The following CRPPA variants were observed in gnomAD, a reference collection of about 807,000 sequenced individuals.
The protein encoded by CRPPA is D-ribitol-5-phosphate cytidylyltransferase.
Under a neutral mutation model 52.0 loss-of-function variants are expected in CRPPA, and 43 were observed. That is an observed-to-expected ratio of 0.83 (90% CI 0.65 to 1.07). The LOEUF (loss-of-function observed/expected upper bound fraction) is 1.07, where lower values mean the gene tolerates loss of function less well. Ranked by LOEUF, CRPPA falls within the 50% of genes least tolerant of loss-of-function variation. CRPPA has a pLI of 0.00. For synonymous variants in CRPPA, 250 were observed against 203.5 expected (o/e 1.23, Z -1.94); for missense variants, 629 against 551.7 (o/e 1.14, Z -1.40).
chr7:16,266,519 C>T (rs1396046185), intron 6 of CRPPA, among the ~76,000 whole-genome samples: 1 of 150,834 alleles, frequency 6.6e-6, no homozygotes. Context: ...TGCTCTGTCA[C>T]CCATGCTGGA....
At chr7:16,200,385 A>G (rs780947235) in intron 9 of CRPPA, among the ~76,000 whole-genome samples, 2 of 152,220 alleles carry the variant, frequency 1.3e-5, no homozygotes, top group African/African-American at 2.4e-5. Flanking sequence ...TAGTATTTCA[A>G]AAGTTGTATT....
At chr7:16,280,010 A>G (rs1780372554) in intron 5 of CRPPA, among the ~76,000 whole-genome samples, 1 of 152,220 alleles carries the variant, frequency 6.6e-6, no homozygotes. Flanking sequence ...GGAAGAGAAG[A>G]GAGCTTGTGC....
intron 8 of CRPPA, among the ~76,000 whole-genome samples, chr7:16,254,036 A>T (rs1036674454): frequency 6.6e-6 from 1 of 152,338 alleles, no homozygotes; most frequent in African/African-American, 2.4e-5. Flanking sequence ...AACCACAATG[A>T]GATACCATCT....
intron 2 of CRPPA, among the ~76,000 whole-genome samples, chr7:16,399,025 C>G (rs976588574): frequency 6.6e-6 from 1 of 152,296 alleles, no homozygotes; most frequent in Middle Eastern, 3.4e-3. Flanking sequence ...GACATGTGAC[C>G]AACACGTTTA....
intron 8 of CRPPA, among the ~76,000 whole-genome samples, chr7:16,226,167 C>T (rs1277365078): frequency 1.3e-5 from 2 of 151,692 alleles, no homozygotes; most frequent in African/African-American, 4.8e-5. Flanking sequence ...TCTTTGAGCC[C>T]AGGAAATAGA....
chr7:16,156,942 G>C (rs1054091750), intron 9 of CRPPA, among the ~76,000 whole-genome samples: 1 of 152,138 alleles, frequency 6.6e-6, no homozygotes, highest in African/African-American at 2.4e-5. Flanking sequence ...GCTCCAAAGA[G>C]GTGACATCTT....
In CRPPA at chr7:16,089,300, A is replaced by T; in HGVS notation, c.*2395T>A. ...TATGTGTGTATGCGTACGTATATAC[A>T]TATATGTGTGTATGCGTACGTATAT... On this transcript the variant is annotated 3_prime_UTR_variant, in exon 10 of 10. Transcript: ENST00000407010. The T allele has an allele frequency of 2.5e-6, 1 of 396,984 alleles. No individual in the cohort carries two copies. Among genetic ancestry groups the T allele is most frequent in the South Asian group, 1.7e-5 (1 of 60,264 alleles). 24.6% of individuals were successfully genotyped at this position (396,984 alleles called of 1,614,324 possible). A position where few individuals can be genotyped will look rare whatever the true frequency, so the allele number is the denominator to read the frequency against.
chr7:16,241,044 A>G (rs573143150), intron 8 of CRPPA, among the ~76,000 whole-genome samples: 2 of 152,276 alleles, frequency 1.3e-5, no homozygotes, highest in East Asian at 3.9e-4. Context: ...AAAAATAACA[A>G]GTATATATGA....
Position 16,088,220 on chromosome 7 carries a change from G to C in CRPPA, c.*3475C>G, listed in dbSNP as rs80341455. On this transcript the variant is annotated 3_prime_UTR_variant, in exon 10 of 10. Coordinates refer to ENST00000407010, the MANE Select transcript of CRPPA (RefSeq NM_001101426.4). ...TTTAATTTGCATTTAACTAACTAGC[G>C]TAAGTTTAGAAAGAAAACCATTTTG... 1 of 152,024 alleles carries C rather than the reference G, an allele frequency of 6.6e-6. No homozygotes were observed. Among genetic ancestry groups the C allele is most frequent in the Non-Finnish European group, 1.5e-5 (1 of 68,012 alleles). The allele number at this position is 152,024 out of a possible 1,614,324, so 9.4% of individuals were successfully genotyped here.
At position 16,282,554 on chromosome 7, in the gene CRPPA, C is replaced by T. The variant is rs77392938; in HGVS notation, c.836-4328G>A. ...AGTAAATGAGGCAAAATGTAAACAA[C>T]AAGGTAGGTAAAAGACAGGGAAGCT... On this transcript the variant is annotated intron_variant, in intron 5 of 9. Coordinates refer to ENST00000407010, the MANE Select transcript of CRPPA (RefSeq NM_001101426.4). 4.7e-3 allele frequency among the ~76,000 whole-genome samples: 708 copies of T among 152,004 alleles called. 6 individuals carry two copies. Among genetic ancestry groups the T allele is most frequent in the African/African-American group, 0.017 (691 of 41,482 alleles).
intron 3 of CRPPA, among the ~76,000 whole-genome samples, chr7:16,318,084 C>G (rs1397982658): frequency 6.6e-6 from 1 of 152,166 alleles, no homozygotes; most frequent in Non-Finnish European, 1.5e-5. Context: ...TCCGTCATCT[C>G]TCTTACTTTC....
rs912439973 is a variant in CRPPA, at chr7:16,089,417, G to T, written c.*2278C>A. 5.9e-6 allele frequency: 2 copies of T among 339,758 alleles called. No homozygotes were observed. Among genetic ancestry groups the T allele is most frequent in the Non-Finnish European group, 1.3e-5 (2 of 149,030 alleles). The allele number at this position is 339,758 out of a possible 1,614,324, so 21.0% of individuals were successfully genotyped here. ...ATGTACATAATGTGTATATATGTACGTACATACATATATGTGTATATATGT... is the reference window on the plus strand; with the variant it reads ...ATGTACATAATGTGTATATATGTACTTACATACATATATGTGTATATATGT... On this transcript the variant is annotated 3_prime_UTR_variant, in exon 10 of 10. Coordinates refer to ENST00000407010, the MANE Select transcript of CRPPA (RefSeq NM_001101426.4).
chr7:16,265,718 T>C (rs1253681933), intron 6 of CRPPA, among the ~76,000 whole-genome samples: 1 of 151,458 alleles, frequency 6.6e-6, no homozygotes, highest in South Asian at 2.1e-4. Flanking sequence ...ATTATCCCTT[T>C]ACATTTAATA....
chr7:16,138,983 G>T (rs1325401995), intron 9 of CRPPA, among the ~76,000 whole-genome samples: 3 of 152,106 alleles, frequency 2.0e-5, no homozygotes, highest in Non-Finnish European at 4.4e-5. Flanking sequence ...TGTATTTTTA[G>T]TAGATACAGG....
chr7:16,315,315 G>T (rs1190506106), intron 3 of CRPPA, among the ~76,000 whole-genome samples: 3 of 152,040 alleles, frequency 2.0e-5, no homozygotes, highest in Admixed American at 6.6e-5. Context: ...AATCATAGTT[G>T]TTTTAAATTC....
chr7:16,303,226 T>C (rs1024312678), intron 4 of CRPPA, among the ~76,000 whole-genome samples: 2 of 152,126 alleles, frequency 1.3e-5, no homozygotes, highest in Admixed American at 6.5e-5. Context: ...ACTTTATTTC[T>C]GGATAGTAAG....
chr7:16,234,528 CTT>C, intron 8 of CRPPA, among the ~76,000 whole-genome samples: 2 of 152,158 alleles, frequency 1.3e-5, no homozygotes, highest in Middle Eastern at 6.8e-3. Flanking sequence ...GAAGTTTAAA[CTT>C]ATATACTGTA....
At chr7:16,376,376 T>A in intron 2 of CRPPA, 135 bp from the exon 3 acceptor site, 1 of 849,212 alleles carries the variant, frequency 1.2e-6, no homozygotes, top group Non-Finnish European at 1.7e-6. Context: ...TCTGAGTAAG[T>A]GTGATTGGTT....
At chr7:16,335,682 A>C (rs1785663363) in intron 3 of CRPPA, among the ~76,000 whole-genome samples, 1 of 152,184 alleles carries the variant, frequency 6.6e-6, no homozygotes, top group Non-Finnish European at 1.5e-5. Context: ...AGTTCCTGAA[A>C]GAGGAAAGAA....
Sources: gnomAD v4.1 joint callset for allele counts (sites outside exome capture counted in the v4.1 genomes callset) on GRCh38, gnomAD v4.1.1 for gene constraint, MANE v1.5 for transcripts, NCBI Gene and HGNC (gene_info 2026-07-23, HGNC 2026-07-21) for gene names.